The following MCPH1 variants were observed in gnomAD, a reference collection of about 807,000 sequenced individuals.
The protein encoded by MCPH1 is microcephalin 1.
Under a neutral mutation model 84.5 loss-of-function variants are expected in MCPH1, and 104 were observed. The ratio of observed to expected loss-of-function variants is 1.23; its 90% CI spans 1.05 to 1.45. MCPH1 has a LOEUF of 1.45. Ranked by LOEUF, MCPH1 falls within the 40% of genes most tolerant of loss-of-function variation. The probability of loss-of-function intolerance (pLI) is 0.00; values close to 1 mark genes in which losing one functional copy is unlikely to be tolerated. For synonymous variants in MCPH1, 514 were observed against 366.8 expected (o/e 1.40, Z -4.58); for missense variants, 1,498 against 1,005.7 (o/e 1.49, Z -6.62).
intron 12 of MCPH1, among the ~76,000 whole-genome samples, chr8:6,550,466 A>C (rs1320452168): frequency 6.6e-6 from 1 of 151,884 alleles, no homozygotes. Context: ...GCGCGTCCTC[A>C]CCTCCCCTCC....
intron 12 of MCPH1, among the ~76,000 whole-genome samples, chr8:6,520,503 C>T (rs1469711961): frequency 6.6e-6 from 1 of 152,166 alleles, no homozygotes; most frequent in East Asian, 1.9e-4. Context: ...TTAAGTGATT[C>T]TCCTACCTCA....
At chr8:6,532,458 C>T (rs748283483) in intron 12 of MCPH1, 51 of 1,613,272 alleles carry the variant, frequency 3.2e-5, no homozygotes, top group Non-Finnish European at 4.2e-5. Context: ...CCATTTCTTT[C>T]TTCATGTTGT....
At chr8:6,511,753 C>T (rs537520083) in intron 12 of MCPH1, among the ~76,000 whole-genome samples, 1 of 152,176 alleles carries the variant, frequency 6.6e-6, no homozygotes, top group African/African-American at 2.4e-5. Context: ...AATGGCCTAT[C>T]CAAAAATTGA....
intron 12 of MCPH1, among the ~76,000 whole-genome samples, chr8:6,521,603 T>C (rs1041783449): frequency 2.6e-5 from 4 of 152,204 alleles, no homozygotes; most frequent in Non-Finnish European, 4.4e-5. Context: ...TGTATATATG[T>C]AAACGTATAA....
intron 6 of MCPH1, among the ~76,000 whole-genome samples, chr8:6,441,727 A>T (rs1803546265): frequency 6.6e-6 from 1 of 152,218 alleles, no homozygotes; most frequent in Admixed American, 6.5e-5. Context: ...CACTGGCGAT[A>T]TCCAAAAATG....
intron 13 of MCPH1, among the ~76,000 whole-genome samples, chr8:6,633,984 A>G (rs1797353996): frequency 6.6e-6 from 1 of 152,238 alleles, no homozygotes; most frequent in African/African-American, 2.4e-5. Flanking sequence ...ACAGAAGAGT[A>G]TGGTGTTGGG....
At chr8:6,624,493 C>A (rs1329542673) in intron 13 of MCPH1, among the ~76,000 whole-genome samples, 1 of 152,208 alleles carries the variant, frequency 6.6e-6, no homozygotes, top group Non-Finnish European at 1.5e-5. Flanking sequence ...CCAGCCCACA[C>A]TCTCTGAGAT....
intron 13 of MCPH1, among the ~76,000 whole-genome samples, chr8:6,641,468 G>A (rs908156458): frequency 2.6e-5 from 4 of 152,238 alleles, no homozygotes; most frequent in East Asian, 3.8e-4. Context: ...CAAGCCAGGT[G>A]TGGTGGGTTA....
intron 12 of MCPH1, among the ~76,000 whole-genome samples, chr8:6,582,846 A>G (rs1425212560): frequency 6.6e-6 from 1 of 152,128 alleles, no homozygotes; most frequent in African/African-American, 2.4e-5. Flanking sequence ...GCCTTTCTTC[A>G]TAAAGTCTTT....
At chr8:6,628,301 T>C (rs1411721663) in intron 13 of MCPH1, among the ~76,000 whole-genome samples, 1 of 151,892 alleles carries the variant, frequency 6.6e-6, no homozygotes, top group Non-Finnish European at 1.5e-5. Context: ...AAACCCCGTC[T>C]CTATTAAAAA....
intron 12 of MCPH1, among the ~76,000 whole-genome samples, chr8:6,558,369 T>C (rs1223937349): frequency 6.6e-6 from 1 of 152,262 alleles, no homozygotes; most frequent in African/African-American, 2.4e-5. Flanking sequence ...ATTTTTGTTT[T>C]ATTTTTTAAA....
At chr8:6,494,088 A>T (rs557609615) in intron 11 of MCPH1, 2 of 152,262 alleles carry the variant, frequency 1.3e-5, no homozygotes, top group African/African-American at 4.8e-5. Flanking sequence ...TTACAGGTGC[A>T]TGCCACCACA....
In MCPH1 at chr8:6,555,606, C is replaced by A. The variant is rs543820004; in HGVS notation, c.2214+55677C>A. On this transcript the variant is annotated intron_variant, in intron 12 of 13. Coordinates refer to ENST00000344683, the MANE Select transcript of MCPH1 (RefSeq NM_024596.5). ...CCTCCTGAGTAGCTGAGACTACAGG[C>A]ATGTACCACCACGCCTGGGTGATTT... 5.3e-5 allele frequency among the ~76,000 whole-genome samples: 8 copies of A among 152,044 alleles called. No individual in the cohort carries two copies. The East Asian group carries it at 1.2e-3, about 22-fold the overall frequency.
chr8:6,469,965 G>C (rs1364573377), intron 9 of MCPH1, among the ~76,000 whole-genome samples: 1 of 152,002 alleles, frequency 6.6e-6, no homozygotes, highest in African/African-American at 2.4e-5. Flanking sequence ...CCTTTTTCAC[G>C]TTTGCTCTGA....
chr8:6,476,660 A>C (rs1184275036), intron 9 of MCPH1, among the ~76,000 whole-genome samples: 1 of 152,188 alleles, frequency 6.6e-6, no homozygotes, highest in East Asian at 1.9e-4. Flanking sequence ...CCAAATACGT[A>C]GTATACAAAC....
chr8:6,623,701 A>AAT (rs1554484633), intron 13 of MCPH1, among the ~76,000 whole-genome samples: 1 of 5,992 alleles, frequency 1.7e-4, no homozygotes, highest in Non-Finnish European at 3.9e-4. Flanking sequence ...AAAAAAAAAA[A>AAT]AAAAAAAAAA....
rs969029240 is a variant in MCPH1 at position 6,523,239 on chromosome 8, C to T, written c.2214+23310C>T. 4.6e-5 allele frequency among the ~76,000 whole-genome samples: 7 copies of T among 152,222 alleles called. No homozygotes were observed. In the South Asian group the frequency reaches 8.3e-4, roughly 18 times the overall value. On this transcript the variant is annotated intron_variant, in intron 12 of 13. Transcript: ENST00000344683. ...GTCTCGATCTCCTGACCTCGTGATC[C>T]GCCCGCCCCTGCCTCCCAAAGTGCT...
chr8:6,609,790 G>A (rs1384059277), intron 12 of MCPH1, among the ~76,000 whole-genome samples: 4 of 145,302 alleles, frequency 2.8e-5, no homozygotes, highest in Non-Finnish European at 6.0e-5. Flanking sequence ...ATTTTTGCCG[G>A]GAATCTCATT....
At chr8:6,457,382 C>A (rs2920667) in intron 9 of MCPH1, among the ~76,000 whole-genome samples, 1,652 of 151,720 alleles carry the variant, frequency 0.011, 36 homozygotes, top group African/African-American at 0.037. Context: ...GTCAGGAGTT[C>A]GAGACCAGCC....
Sources: gnomAD v4.1 joint callset for allele counts (sites outside exome capture counted in the v4.1 genomes callset) on GRCh38, gnomAD v4.1.1 for gene constraint, MANE v1.5 for transcripts, NCBI Gene and HGNC (gene_info 2026-07-23, HGNC 2026-07-21) for gene names.